HMBOX1: variants seen among roughly 807,000 people sequenced by gnomAD.
The protein encoded by HMBOX1 is homeobox containing 1.
A neutral mutation model predicts 54.5 loss-of-function variants in HMBOX1; 14 were observed. The observed-to-expected ratio is 0.26, with a 90% CI of 0.17 to 0.40. The LOEUF is 0.40. HMBOX1 is among the 10% of genes least tolerant of loss of function. The pLI is 1.00. For synonymous variants in HMBOX1, 160 were observed against 181.0 expected (o/e 0.88, Z 0.93); for missense variants, 332 against 514.4 (o/e 0.65, Z 3.43).
rs529068005 is a variant in HMBOX1, at chr8:28,940,255, C to T, written c.-57-23556C>T. On this transcript the variant is annotated intron_variant, in intron 1 of 9. Transcript: ENST00000287701. Reference sequence around the variant, plus strand: ...CTCTCAACCTCAGGTGATCCGCCTGCCTCAGCCTCCCAAAGTGCTGGGATT... The same window carrying T: ...CTCTCAACCTCAGGTGATCCGCCTGTCTCAGCCTCCCAAAGTGCTGGGATT... 3.9e-5 allele frequency among the ~76,000 whole-genome samples: 6 copies of T among 152,318 alleles called. No homozygotes were observed. In the South Asian group the frequency reaches 8.3e-4, roughly 21 times the overall value.
At chr8:29,007,572 C>T (rs563620810) in intron 4 of HMBOX1, among the ~76,000 whole-genome samples, 7 of 152,244 alleles carry the variant, frequency 4.6e-5, no homozygotes, top group South Asian at 2.1e-4. Flanking sequence ...TAATCCAGCA[C>T]TTTGGGAGGC....
Position 29,041,581 on chromosome 8 carries a change from A to G in HMBOX1, c.852-3780A>G, listed in dbSNP as rs1330563388. Among the ~76,000 whole-genome samples, 3 of 152,216 alleles carry G rather than the reference A, an allele frequency of 2.0e-5. No individual in the cohort carries two copies. In the East Asian group the frequency reaches 5.8e-4, roughly 29 times the overall value. On this transcript the variant is annotated intron_variant, in intron 6 of 9. Coordinates refer to ENST00000287701, the MANE Select transcript of HMBOX1 (RefSeq NM_001135726.3). Reference sequence around the variant, plus strand: ...GATGAAAGATATGTAAGAGAGGAACAGATGAAGTGCGGTGGGATTCATAGG... The same window carrying G: ...GATGAAAGATATGTAAGAGAGGAACGGATGAAGTGCGGTGGGATTCATAGG...
In HMBOX1 at chr8:28,959,951, GT is replaced by G. The variant is rs907281633; in HGVS notation, c.-57-3853del. On this transcript the variant is annotated intron_variant, in intron 1 of 9. Coordinates refer to ENST00000287701, the MANE Select transcript of HMBOX1 (RefSeq NM_001135726.3). ...GCAGTTGCATTTATAATTTCTTAGG[GT>G]TTTTTTCCCCCAATACTATGGCTGT... 2.0e-5 allele frequency among the ~76,000 whole-genome samples: 3 copies of G among 151,576 alleles called. No homozygotes were observed. In the East Asian group the frequency reaches 5.8e-4, roughly 29 times the overall value.
intron 3 of HMBOX1, among the ~76,000 whole-genome samples, chr8:28,972,212 T>G (rs1020234729): frequency 6.6e-6 from 1 of 152,150 alleles, no homozygotes; most frequent in African/African-American, 2.4e-5. Context: ...AGTCATTGTT[T>G]TGTTTGGTTT....
intron 1 of HMBOX1, among the ~76,000 whole-genome samples, chr8:28,923,186 C>G (rs576453943): frequency 5.3e-5 from 8 of 152,264 alleles, no homozygotes; most frequent in African/African-American, 1.9e-4. Context: ...CTAATTCTCT[C>G]CTGCCCTCAT....
intron 1 of HMBOX1, among the ~76,000 whole-genome samples, chr8:28,940,317 T>C (rs959020953): frequency 6.6e-6 from 1 of 152,110 alleles, no homozygotes; most frequent in Non-Finnish European, 1.5e-5. Context: ...CTGTTTTAGA[T>C]TTTTTTTAAA....
Position 28,934,563 on chromosome 8 carries a change from G to A in HMBOX1, c.-57-29248G>A, listed in dbSNP as rs544782363. Among the ~76,000 whole-genome samples, 6 of 152,252 alleles carry A rather than the reference G, an allele frequency of 3.9e-5. No individual in the cohort carries two copies. The East Asian group carries it at 1.2e-3, about 29-fold the overall frequency. ...ATTGTGCTTGTAAAACAAATCCTAA[G>A]GGATATGTTTGTAAAAACTCTTAGA... On this transcript the variant is annotated intron_variant, in intron 1 of 9. Coordinates refer to ENST00000287701, the MANE Select transcript of HMBOX1 (RefSeq NM_001135726.3).
chr8:29,023,181 A>G (rs1256209512), intron 6 of HMBOX1, among the ~76,000 whole-genome samples: 1 of 152,202 alleles, frequency 6.6e-6, no homozygotes, highest in Non-Finnish European at 1.5e-5. Context: ...TTAGGAACCA[A>G]GATTGTCAGT....
At chr8:28,928,882 A>C (rs186446678) in intron 1 of HMBOX1, among the ~76,000 whole-genome samples, 12 of 152,330 alleles carry the variant, frequency 7.9e-5, no homozygotes, top group Admixed American at 4.6e-4. Context: ...AGTTGAACTC[A>C]TAGAAATAGA....
At chr8:28,984,338 C>T (rs575298368) in intron 4 of HMBOX1, among the ~76,000 whole-genome samples, 6 of 152,152 alleles carry the variant, frequency 3.9e-5, no homozygotes, top group Middle Eastern at 3.4e-3. Flanking sequence ...AAAATGAGAA[C>T]GAGTGGTGCA....
chr8:28,931,159 G>A (rs572404651), intron 1 of HMBOX1, among the ~76,000 whole-genome samples: 2 of 152,180 alleles, frequency 1.3e-5, no homozygotes, highest in South Asian at 2.1e-4. Context: ...CTCATTTCAG[G>A]TGAGCAGATT....
Position 28,926,304 on chromosome 8 carries a change from T to TATACACACACACACAC in HMBOX1, c.-58+35627_-58+35628insTACACACACACACACA, listed in dbSNP as rs796953426. ...GCAGATATATATATATATATATATA[T>TATACACACACACACAC]ACACACACACACACACACATATATT... On this transcript the variant is annotated intron_variant, in intron 1 of 9. Transcript: ENST00000287701. 4.6e-4 allele frequency among the ~76,000 whole-genome samples: 65 copies of TATACACACACACACAC among 142,214 alleles called. 1 individual carries two copies. The highest frequency in any genetic ancestry group is 1.7e-3 in the African/African-American group (63 of 37,842). 93.3% of individuals were successfully genotyped at this position (142,214 alleles called of 152,430 possible). A position where few individuals can be genotyped will look rare whatever the true frequency, so the allele number is the denominator to read the frequency against.
chr8:28,957,757 G>C (rs1824742452), intron 1 of HMBOX1, among the ~76,000 whole-genome samples: 1 of 152,090 alleles, frequency 6.6e-6, no homozygotes, highest in African/African-American at 2.4e-5. Flanking sequence ...TGAGTAGCTG[G>C]GATTATAGGT....
chr8:28,890,182 A>C, upstream of HMBOX1: 1 of 419,666 alleles, frequency 2.4e-6, no homozygotes, highest in Non-Finnish European at 4.4e-6. Flanking sequence ...TGTCTTCCTT[A>C]CGGGCCTGGG....
chr8:29,011,275 T>C (rs1337764949), intron 5 of HMBOX1, among the ~76,000 whole-genome samples: 1 of 152,202 alleles, frequency 6.6e-6, no homozygotes, highest in African/African-American at 2.4e-5. Flanking sequence ...TATTGCCGCA[T>C]ATTAAGAGGC....
At chr8:29,014,594 A>G (rs1349022004) in intron 5 of HMBOX1, among the ~76,000 whole-genome samples, 1 of 152,194 alleles carries the variant, frequency 6.6e-6, no homozygotes, top group Non-Finnish European at 1.5e-5. Flanking sequence ...CTGAAAAGTA[A>G]TGTAACATTA....
chr8:29,030,229 T>C (rs2133163194), intron 6 of HMBOX1, among the ~76,000 whole-genome samples: 1 of 152,152 alleles, frequency 6.6e-6, no homozygotes, highest in South Asian at 2.1e-4. Flanking sequence ...TACCTTTTGT[T>C]TTTTTGAGAC....
intron 4 of HMBOX1, among the ~76,000 whole-genome samples, chr8:28,999,082 T>C (rs566566933): frequency 6.6e-6 from 1 of 152,186 alleles, no homozygotes; most frequent in Non-Finnish European, 1.5e-5. Flanking sequence ...ACTGTCACTC[T>C]TATTTCTTCA....
chr8:29,007,744 G>A (rs953676060), intron 4 of HMBOX1, among the ~76,000 whole-genome samples: 3 of 152,034 alleles, frequency 2.0e-5, no homozygotes, highest in Non-Finnish European at 2.9e-5. Context: ...GAGGTGAGAG[G>A]GTGTGGTGAG....
Sources: gnomAD v4.1 joint callset for allele counts (sites outside exome capture counted in the v4.1 genomes callset) on GRCh38, gnomAD v4.1.1 for gene constraint, MANE v1.5 for transcripts, NCBI Gene and HGNC (gene_info 2026-07-23, HGNC 2026-07-21) for gene names.